DMD: variants seen among roughly 807,000 people sequenced by gnomAD.
The protein encoded by DMD is dystrophin.
DMD carries 63 observed loss-of-function variants against 330.1 expected under a neutral mutation model. The ratio of observed to expected loss-of-function variants is 0.19; its 90% confidence interval spans 0.16 to 0.24. The LOEUF is 0.24. Ranked by LOEUF, DMD falls within the 10% of genes least tolerant of loss-of-function variation. The probability of loss-of-function intolerance (pLI) is 1.00; values close to 1 mark genes in which losing one functional copy is unlikely to be tolerated. For synonymous variants in DMD, 1,223 were observed against 959.8 expected, an observed-to-expected ratio of 1.27 and a Z score of -5.07; for missense variants, 3,344 against 2,684.1, an observed-to-expected ratio of 1.25 and a Z score of -5.43.
At position 32,565,806 on chromosome X, in the gene DMD, T is replaced by C. The variant is rs72468692; in HGVS notation, c.1888A>G (p.Thr630Ala). ...LYSLKQDLLSTLKNKSVTQKT... is the reference protein window; with the variant it reads ...LYSLKQDLLSALKNKSVTQKT... ...TGGGTCACTGACTTATTCTTCAGTGTTGAAAGAAGATCTTGTTTGAGTGAA... is the reference window on the plus strand; with the variant it reads ...TGGGTCACTGACTTATTCTTCAGTGCTGAAAGAAGATCTTGTTTGAGTGAA... Residue 630 changes from threonine (T) to alanine (A), a missense_variant, in exon 16 of 79, where the codon ACA (threonine) becomes GCA (alanine). By Grantham distance (58) the Thr-to-Ala change is moderately conservative. Coordinates refer to ENST00000357033, the MANE Select transcript of DMD (RefSeq NM_004006.3). The C allele has an allele frequency of 9.5e-4, 1,143 of 1,209,404 alleles. 2 individuals carry two copies. Among genetic ancestry groups the C allele is most frequent in the Middle Eastern group, 1.2e-3 (5 of 4,347 alleles).
chrX:31,204,757 C>T (rs774943564), intron 66 of DMD, among the ~76,000 whole-genome samples: 1 of 111,906 alleles, frequency 8.9e-6, no homozygotes, highest in African/African-American at 3.3e-5. Context: ...TGAGTAGCTG[C>T]GATTACAGGC....
At position 31,708,665 on chromosome X, in the gene DMD, A is replaced by G. The variant is rs141821246; in HGVS notation, c.7660+20966T>C. Among the ~76,000 whole-genome samples the G allele has an allele frequency of 3.3e-3, 371 of 112,038 alleles. 3 individuals carry two copies. Among genetic ancestry groups the G allele is most frequent in the Non-Finnish European group, 5.1e-3 (269 of 53,198 alleles). On this transcript the variant is annotated intron_variant, in intron 52 of 78. Coordinates refer to ENST00000357033, the MANE Select transcript of DMD (RefSeq NM_004006.3). ...TTTTAATATTCAGTGGTAAGTATAA[A>G]TCAATCTATAATAAACTTTCTCCAA...
chrX:32,219,084 C>T (rs2097123731), intron 43 of DMD, among the ~76,000 whole-genome samples: 1 of 111,530 alleles, frequency 9.0e-6, no homozygotes, highest in Non-Finnish European at 1.9e-5. Context: ...AAAAAGGCAA[C>T]CGAAGGTAGC....
chrX:31,339,038 AC>A (rs1299913616), intron 61 of DMD, among the ~76,000 whole-genome samples: 1 of 109,979 alleles, frequency 9.1e-6, no homozygotes, highest in African/African-American at 3.3e-5. Context: ...ATTTCAAGCT[AC>A]CAAAGGTAGG....
chrX:32,073,200 G>A (rs1343615639), intron 44 of DMD, among the ~76,000 whole-genome samples: 1 of 112,031 alleles, frequency 8.9e-6, no homozygotes, highest in Admixed American at 9.5e-5. Context: ...GACTCTGCAA[G>A]GTAGATTGTT....
intron 1 of DMD, among the ~76,000 whole-genome samples, chrX:33,027,697 G>A (rs2094029915): frequency 9.3e-6 from 1 of 107,249 alleles, no homozygotes; most frequent in Non-Finnish European, 1.9e-5. Context: ...ATACAGATAA[G>A]TTGCCTGATG....
At chrX:32,248,241 T>A (rs1438952548) in intron 43 of DMD, among the ~76,000 whole-genome samples, 1 of 111,702 alleles carries the variant, frequency 9.0e-6, no homozygotes, top group Non-Finnish European at 1.9e-5. Context: ...TGAATTTTAA[T>A]AATCAATATT....
intron 67 of DMD, among the ~76,000 whole-genome samples, chrX:31,189,028 G>A (rs1369471869): frequency 9.7e-6 from 1 of 103,153 alleles, no homozygotes; most frequent in African/African-American, 3.4e-5. Context: ...TTTCTTTGAT[G>A]TTGTGCTTTC....
At chrX:33,151,399 A>G (rs1438887917) in intron 1 of DMD, among the ~76,000 whole-genome samples, 1 of 112,715 alleles carries the variant, frequency 8.9e-6, no homozygotes, top group Non-Finnish European at 1.9e-5. Flanking sequence ...CTTTTCTTCA[A>G]TTTAACTAAA....
At chrX:32,281,293 A>G (rs13440585) in intron 43 of DMD, among the ~76,000 whole-genome samples, 6,490 of 112,159 alleles carry the variant, frequency 0.058, 461 homozygotes, top group African/African-American at 0.2. Flanking sequence ...TAAAATGTTC[A>G]GGGGTCCATG....
At chrX:32,938,138 C>A (rs1011943416) in intron 2 of DMD, among the ~76,000 whole-genome samples, 6 of 111,479 alleles carry the variant, frequency 5.4e-5, no homozygotes, top group Non-Finnish European at 9.4e-5. Context: ...TCTTTCCACT[C>A]TCTTTAAGAT....
At chrX:32,489,022 C>T (rs1389699799) in intron 20 of DMD, among the ~76,000 whole-genome samples, 1 of 111,464 alleles carries the variant, frequency 9.0e-6, no homozygotes, top group East Asian at 2.8e-4. Flanking sequence ...GGAAGATGCC[C>T]TTGGTGGCTG....
intron 2 of DMD, among the ~76,000 whole-genome samples, chrX:32,962,519 C>G (rs2091940070): frequency 9.0e-6 from 1 of 111,380 alleles, no homozygotes; most frequent in Non-Finnish European, 1.9e-5. Context: ...CTACACTATA[C>G]CAAGCATGAA....
chrX:32,193,369 T>A (rs1219371911), intron 44 of DMD, among the ~76,000 whole-genome samples: 1 of 112,191 alleles, frequency 8.9e-6, no homozygotes, highest in Admixed American at 9.4e-5. Context: ...TAAGAAAACA[T>A]GCCCATGTAA....
chrX:33,243,444 C>T (rs961578537), intron 1 of DMD, among the ~76,000 whole-genome samples: 2 of 111,636 alleles, frequency 1.8e-5, no homozygotes, highest in Non-Finnish European at 3.8e-5. Flanking sequence ...TGCTTAAATA[C>T]GGTTGGTGAC....
chrX:31,584,033 T>C (rs2076467643), intron 55 of DMD, among the ~76,000 whole-genome samples: 1 of 107,046 alleles, frequency 9.3e-6, no homozygotes, highest in African/African-American at 3.4e-5. Flanking sequence ...CTTGCCATAG[T>C]TTGCTGAGAA....
At chrX:32,963,387 C>G (rs1602254779) in intron 2 of DMD, among the ~76,000 whole-genome samples, 1 of 111,871 alleles carries the variant, frequency 8.9e-6, no homozygotes, top group Admixed American at 9.5e-5. Flanking sequence ...TATTTTATAT[C>G]TGATGGTTCC....
chrX:33,082,768 C>T (rs1442850124), intron 1 of DMD, among the ~76,000 whole-genome samples: 2 of 111,988 alleles, frequency 1.8e-5, no homozygotes, highest in Non-Finnish European at 3.8e-5. Context: ...GGACACAAAA[C>T]AAGACAGAGA....
At chrX:31,970,317 C>T (rs1425961037) in intron 44 of DMD, among the ~76,000 whole-genome samples, 2 of 110,592 alleles carry the variant, frequency 1.8e-5, no homozygotes, top group East Asian at 5.7e-4. Context: ...GGCTCATCAT[C>T]ACCATGGAGT....
Sources: gnomAD v4.1 joint callset for allele counts (sites outside exome capture counted in the v4.1 genomes callset) on GRCh38, gnomAD v4.1.1 for gene constraint, MANE v1.5 for transcripts, NCBI Gene and HGNC (gene_info 2026-07-23, HGNC 2026-07-21) for gene names.